Variants in NAV3 observed in about 807,000 individuals in gnomAD.
NAV3 encodes the protein pore membrane and/or filament interacting like protein 1.
In NAV3, 87 loss-of-function variants were observed where a neutral mutation model predicts 244.7. The observed-to-expected ratio is 0.36, with a 90% CI of 0.30 to 0.42. The LOEUF (loss-of-function observed/expected upper bound fraction) is 0.42. Among genes scored for constraint, NAV3 ranks in the 20% least tolerant of loss-of-function variants. NAV3 has a pLI of 1.00. For synonymous variants in NAV3, 1,126 were observed against 1,042.2 expected (o/e 1.08, Z -1.55); for missense variants, 2,663 against 2,893.3 (o/e 0.92, Z 1.83).
At chr12:77,794,133 G>C (rs1443786747) in intron 2 of NAV3, among the ~76,000 whole-genome samples, 4 of 152,104 alleles carry the variant, frequency 2.6e-5, no homozygotes, top group Admixed American at 2.6e-4. Context: ...TTTGAGAAAT[G>C]TCTGTTCATA....
chr12:77,777,555 T>A (rs1221226918), intron 2 of NAV3, among the ~76,000 whole-genome samples: 26 of 152,236 alleles, frequency 1.7e-4, no homozygotes, highest in Admixed American at 1.5e-3. Context: ...GAGTGCAATT[T>A]AAAACTCATG....
At chr12:78,062,671 C>T (rs1278496487) in intron 12 of NAV3, among the ~76,000 whole-genome samples, 1 of 152,000 alleles carries the variant, frequency 6.6e-6, no homozygotes, top group Non-Finnish European at 1.5e-5. Context: ...TTCACTTCTC[C>T]AATATAATAG....
intron 2 of NAV3, among the ~76,000 whole-genome samples, chr12:77,584,296 AC>A (rs147756418): frequency 0.06 from 9,063 of 152,288 alleles, 355 homozygotes; most frequent in Non-Finnish European, 0.089. Flanking sequence ...TACATAAAAT[AC>A]CATTAATTCA....
At chr12:77,702,063 T>C (rs147747713) in intron 2 of NAV3, among the ~76,000 whole-genome samples, 82 of 152,136 alleles carry the variant, frequency 5.4e-4, no homozygotes, top group Admixed American at 3.3e-3. Flanking sequence ...GATATTAATA[T>C]CTCCAATGAT....
At chr12:77,624,149 C>T (rs1871510707) in intron 2 of NAV3, among the ~76,000 whole-genome samples, 1 of 152,000 alleles carries the variant, frequency 6.6e-6, no homozygotes, top group African/African-American at 2.4e-5. Flanking sequence ...AAGGGCTAAC[C>T]AGGAAAGGAT....
At position 77,868,314 on chromosome 12, in the gene NAV3, T is replaced by C. The variant is rs542988397; in HGVS notation, c.243+36610T>C. On this transcript the variant is annotated intron_variant, in intron 1 of 39. Transcript: ENST00000397909. ...AATGTTACTTAATATATATTAATAT[T>C]GTTAATATAATAACGTATGTTATTC... Among the ~76,000 whole-genome samples the C allele has an allele frequency of 6.6e-5, 10 of 152,256 alleles. No homozygotes were observed. In the South Asian group the frequency reaches 1.9e-3, roughly 28 times the overall value.
intron 5 of NAV3, among the ~76,000 whole-genome samples, chr12:77,990,048 A>C (rs1274316000): frequency 7.8e-6 from 1 of 128,748 alleles, no homozygotes; most frequent in South Asian, 2.2e-4. Flanking sequence ...AATTAAGTAT[A>C]TATCTGTGAA....
rs201992228 is a variant in NAV3 at position 77,935,222 on chromosome 12, T to TA, written c.244-5088dup. 3.6e-3 allele frequency among the ~76,000 whole-genome samples: 544 copies of TA among 151,606 alleles called. 6 individuals carry two copies. The highest frequency in any genetic ancestry group is 0.012 in the African/African-American group (504 of 41,376). On this transcript the variant is annotated intron_variant, in intron 1 of 39. Transcript: ENST00000397909. ...AGATAGTATGTAATACTGTCAGTAG[T>TA]AAAAAAAAATCACAAATGTTTAGGA...
chr12:78,147,512 T>C (rs2139203253), intron 21 of NAV3, among the ~76,000 whole-genome samples: 1 of 152,132 alleles, frequency 6.6e-6, no homozygotes, highest in East Asian at 1.9e-4. Context: ...TTGGATTCAT[T>C]TATGAATAAA....
chr12:78,180,062 T>C (rs1424409118), intron 29 of NAV3, among the ~76,000 whole-genome samples: 4 of 152,154 alleles, frequency 2.6e-5, no homozygotes, highest in Non-Finnish European at 4.4e-5. Context: ...TTCACCAGTT[T>C]TCTACTGAAA....
chr12:78,120,449 G>A (rs1219221007), intron 15 of NAV3, among the ~76,000 whole-genome samples: 4 of 152,236 alleles, frequency 2.6e-5, no homozygotes, highest in African/African-American at 9.6e-5. Context: ...TTTATACAGT[G>A]TCATATCTTG....
intron 2 of NAV3, among the ~76,000 whole-genome samples, chr12:77,603,995 G>C (rs933173060): frequency 1.3e-5 from 2 of 152,112 alleles, no homozygotes; most frequent in African/African-American, 2.4e-5. Flanking sequence ...GGTTTGGAGA[G>C]TTCTTGGTTG....
At chr12:77,723,018 A>G (rs1441717139) in intron 2 of NAV3, among the ~76,000 whole-genome samples, 1 of 152,058 alleles carries the variant, frequency 6.6e-6, no homozygotes, top group Non-Finnish European at 1.5e-5. Flanking sequence ...GTTATCAGCT[A>G]TAGTAATTTT....
At chr12:78,012,031 A>G (rs958707063) in intron 8 of NAV3, among the ~76,000 whole-genome samples, 1 of 152,142 alleles carries the variant, frequency 6.6e-6, no homozygotes, top group Admixed American at 6.5e-5. Context: ...CCCTCCCTCT[A>G]CACATGGGGA....
At chr12:78,119,099 T>G in intron 14 of NAV3, 138 bp from the exon 15 acceptor site, 1 of 951,514 alleles carries the variant, frequency 1.1e-6, no homozygotes, top group Non-Finnish European at 1.6e-6. Flanking sequence ...TCTCAATATA[T>G]GAGATTTTTG....
intron 1 of NAV3, among the ~76,000 whole-genome samples, chr12:77,899,200 T>C (rs1440425539): frequency 1.3e-5 from 2 of 152,222 alleles, no homozygotes; most frequent in Admixed American, 1.3e-4. Context: ...AAAAAGGATT[T>C]ACAGTATTAT....
chr12:77,798,200 A>C (rs966472461), intron 2 of NAV3, among the ~76,000 whole-genome samples: 2 of 151,872 alleles, frequency 1.3e-5, no homozygotes, highest in African/African-American at 4.8e-5. Context: ...CAACAACAAC[A>C]ACAAAAAAAC....
At chr12:77,814,458 T>C (rs1872445545) in intron 2 of NAV3, among the ~76,000 whole-genome samples, 1 of 152,142 alleles carries the variant, frequency 6.6e-6, no homozygotes, top group South Asian at 2.1e-4. Flanking sequence ...AGATCTTTAT[T>C]TGAAATGTTA....
At chr12:78,147,147 T>C (rs1241339414) in intron 21 of NAV3, among the ~76,000 whole-genome samples, 1 of 152,104 alleles carries the variant, frequency 6.6e-6, no homozygotes, top group African/African-American at 2.4e-5. Context: ...CCTTTAAAAA[T>C]AAAATTTGTG....
Sources: gnomAD v4.1 joint callset for allele counts (sites outside exome capture counted in the v4.1 genomes callset) on GRCh38, gnomAD v4.1.1 for gene constraint, MANE v1.5 for transcripts, NCBI Gene and HGNC (gene_info 2026-07-23, HGNC 2026-07-21) for gene names.